The following OR51I2 variants were observed in gnomAD, a reference collection of about 807,000 sequenced individuals.
OR51I2 encodes olfactory receptor 51I2.
In OR51I2, 6 loss-of-function variants were observed where a neutral mutation model predicts 9.3. The observed-to-expected ratio is 0.64, with a 90% confidence interval of 0.35 to 1.27. The LOEUF (loss-of-function observed/expected upper bound fraction) is 1.27, where lower values mean the gene tolerates loss of function less well. Ranked by LOEUF, OR51I2 falls within the 50% of genes most tolerant of loss-of-function variation. The pLI, the probability that OR51I2 is intolerant of heterozygous loss-of-function variation, is 0.03. For synonymous variants in OR51I2, 179 were observed against 143.1 expected (o/e 1.25, Z -1.79); for missense variants, 489 against 396.4 (o/e 1.23, Z -1.98).
rs1850939196 is a variant in OR51I2 at position 5,455,543 on chromosome 11, G to C, written c.*1116G>C. The C allele has an allele frequency of 1.6e-5, 1 of 61,262 alleles. No individual in the cohort carries two copies. Among genetic ancestry groups the C allele is most frequent in the African/African-American group, 4.5e-5 (1 of 22,094 alleles). The allele number at this position is 61,262 out of a possible 1,614,324, so 3.8% of individuals were successfully genotyped here. ...ACTTGTAGATCAAAAGAGAGCGAGGGATTGGGGGAGAAAGAAGGGGGGAGA... is the reference window on the plus strand; with the variant it reads ...ACTTGTAGATCAAAAGAGAGCGAGGCATTGGGGGAGAAAGAAGGGGGGAGA... On this transcript the variant is annotated 3_prime_UTR_variant, in exon 2 of 2. Coordinates refer to ENST00000641930, the MANE Select transcript of OR51I2 (RefSeq NM_001004754.3).
Position 5,454,187 on chromosome 11 carries a change from A to T in OR51I2, c.699A>T (p.Glu233Asp). Residue 233 changes from glutamate (E) to aspartate (D), a missense_variant, in exon 2 of 2, where the codon GAA becomes GAT. Coordinates refer to ENST00000641930, the MANE Select transcript of OR51I2 (RefSeq NM_001004754.3). ...TCATGGCCACTGCTTCCCGTGAGGA[A>T]CGCCTCAAAGCTCTCAACACATGTG... is the stretch of plus-strand genomic sequence containing the variant. ...RSVMATASRE[E>D]RLKALNTCVS... 1 of 1,605,782 alleles carries T rather than the reference A, an allele frequency of 6.2e-7. No individual in the cohort carries two copies. Among genetic ancestry groups the T allele is most frequent in the Non-Finnish European group, 8.5e-7 (1 of 1,174,748 alleles).
rs373942081 is a variant in OR51I2, at chr11:5,454,727, TAATA to T, written c.*302_*305del. On this transcript the variant is annotated 3_prime_UTR_variant, in exon 2 of 2. Coordinates refer to ENST00000641930, the MANE Select transcript of OR51I2 (RefSeq NM_001004754.3). ...TCTATAATAATGAATATTACTAATATAATAATTAACAAACTTAGTCCTAAAATGT... is the reference window on the plus strand; with the variant it reads ...TCTATAATAATGAATATTACTAATATATTAACAAACTTAGTCCTAAAATGT... 1.3e-4 allele frequency: 26 copies of T among 200,246 alleles called. No individual in the cohort carries two copies. The East Asian group carries it at 1.7e-3, about 13-fold the overall frequency. The allele number at this position is 200,246 out of a possible 1,614,324, so 12.4% of individuals were successfully genotyped here.
At chr11:5,452,591 C>CGAGATATG (rs1850873476) in intron 1 of OR51I2, among the ~76,000 whole-genome samples, 1 of 141,560 alleles carries the variant, frequency 7.1e-6, no homozygotes, top group African/African-American at 2.6e-5. Context: ...AGCGACTTTA[C>CGAGATATG]GAGATATGGA....
At chr11:5,452,120 T>C (rs1850861950) in intron 1 of OR51I2, among the ~76,000 whole-genome samples, 2 of 152,162 alleles carry the variant, frequency 1.3e-5, no homozygotes, top group South Asian at 4.1e-4. Flanking sequence ...CAAATCTATG[T>C]GTCTATGAGT....
At chr11:5,449,821 ATACG>A (rs1257746554) in intron 1 of OR51I2, among the ~76,000 whole-genome samples, 1 of 152,210 alleles carries the variant, frequency 6.6e-6, no homozygotes, top group Non-Finnish European at 1.5e-5. Flanking sequence ...TGATAACAAA[ATACG>A]TAAAAATCTC....
In OR51I2 at chr11:5,455,756, A is replaced by G. The variant is rs888856726; in HGVS notation, c.*1329A>G. The G allele has an allele frequency of 6.6e-6, 1 of 152,168 alleles. No homozygotes were observed. The highest frequency in any genetic ancestry group is 1.5e-5 in the Non-Finnish European group (1 of 68,024). The allele number at this position is 152,168 out of a possible 1,614,324, so 9.4% of individuals were successfully genotyped here. A position where few individuals can be genotyped will look rare whatever the true frequency, so the allele number is the denominator to read the frequency against. Reference sequence around the variant, plus strand: ...TATTGAGGAAATACCAACAAGAGAGAGAGTCAGAAAGAGGGAGCTATTTTA... The same window carrying G: ...TATTGAGGAAATACCAACAAGAGAGGGAGTCAGAAAGAGGGAGCTATTTTA... On this transcript the variant is annotated 3_prime_UTR_variant, in exon 2 of 2. Coordinates refer to ENST00000641930, the MANE Select transcript of OR51I2 (RefSeq NM_001004754.3).
rs1850949624 is a variant in OR51I2, at chr11:5,455,791, T to C, written c.*1364T>C. ...AGAGGGAGCTATTTTAAAAATGAGA[T>C]AATGTAAGTACTTGGGATTCAGATT... On this transcript the variant is annotated 3_prime_UTR_variant, in exon 2 of 2. Transcript: ENST00000641930. 6.6e-6 allele frequency: 1 copy of C among 152,048 alleles called. No individual in the cohort carries two copies. Among genetic ancestry groups the C allele is most frequent in the Non-Finnish European group, 1.5e-5 (1 of 67,992 alleles). 9.4% of individuals were successfully genotyped at this position (152,048 alleles called of 1,614,324 possible). A position where few individuals can be genotyped will look rare whatever the true frequency, so the allele number is the denominator to read the frequency against.
rs1850893183 is a variant in OR51I2, at chr11:5,453,650, C to T, written c.162C>T (p.Ser54=). Reference sequence around the variant, plus strand: ...TGCAGGCTGTGCGAGTGGAGCCCAGCCTCCATGAGCCCATGTACTACTTCC... The same window carrying T: ...TGCAGGCTGTGCGAGTGGAGCCCAGTCTCCATGAGCCCATGTACTACTTCC... ...VILQAVRVEP[S]LHEPMYYFLS... Residue 54 remains serine, a synonymous_variant, in exon 2 of 2, where the codon AGC becomes AGT. Transcript: ENST00000641930. 2 of 1,613,214 alleles carry T rather than the reference C, an allele frequency of 1.2e-6. No individual in the cohort carries two copies. Among genetic ancestry groups the T allele is most frequent in the East Asian group, 2.2e-5 (1 of 44,884 alleles).
Position 5,454,173 on chromosome 11 carries a change from G to C in OR51I2, c.685G>C (p.Ala229Pro), listed in dbSNP as rs770771990. The C allele has an allele frequency of 6.2e-7, 1 of 1,613,156 alleles. No individual in the cohort carries two copies. Among genetic ancestry groups the C allele is most frequent in the Admixed American group, 1.7e-5 (1 of 59,852 alleles). Residue 229 changes from alanine to proline, a missense_variant, in exon 2 of 2, where the codon GCT becomes CCT. Transcript: ENST00000641930. ...VLILRSVMAT[A>P]SREERLKALN... ...CATTCTGCGTTCTGTCATGGCCACT[G>C]CTTCCCGTGAGGAACGCCTCAAAGC...
chr11:5,452,187 A>G (rs1221548462), intron 1 of OR51I2, among the ~76,000 whole-genome samples: 5 of 151,868 alleles, frequency 3.3e-5, no homozygotes, highest in Admixed American at 2.6e-4. Context: ...GTATGAGGAC[A>G]AGATCTACAT....
Position 5,453,954 on chromosome 11 carries a change from C to A in OR51I2, c.466C>A (p.Leu156Ile), listed in dbSNP as rs751641190. Residue 156 changes from leucine to isoleucine, a missense_variant, in exon 2 of 2, where the codon CTT (leucine) becomes ATT (isoleucine). Physicochemically the swap from Leu to Ile is conservative, Grantham distance 5. Coordinates refer to ENST00000641930, the MANE Select transcript of OR51I2 (RefSeq NM_001004754.3). ...LGAAARSFIT[L>I]FPLPFLIKRL... ...TGCAGCTGCTCGAAGCTTCATCACCCTTTTCCCTCTTCCCTTTCTTATTAA... is the reference window on the plus strand; with the variant it reads ...TGCAGCTGCTCGAAGCTTCATCACCATTTTCCCTCTTCCCTTTCTTATTAA... 22 of 1,613,996 alleles carry A rather than the reference C, an allele frequency of 1.4e-5. No homozygotes were observed. The highest frequency in any genetic ancestry group is 1.9e-5 in the Non-Finnish European group (22 of 1,180,022).
Position 5,451,364 on chromosome 11 carries a change from CTCT to C in OR51I2, c.-230-1891_-230-1889del, listed in dbSNP as rs1311954467. 8.5e-5 allele frequency among the ~76,000 whole-genome samples: 13 copies of C among 152,308 alleles called. No homozygotes were observed. In the East Asian group the frequency reaches 1.9e-3, roughly 23 times the overall value. On this transcript the variant is annotated intron_variant, in intron 1 of 1. Coordinates refer to ENST00000641930, the MANE Select transcript of OR51I2 (RefSeq NM_001004754.3). ...CTGTTACTTTTACATTGGCTTGGTT[CTCT>C]TCTATGTACTGTGATTACTTTCTAC...
At chr11:5,450,648 C>A (rs1850831086) in intron 1 of OR51I2, among the ~76,000 whole-genome samples, 1 of 152,096 alleles carries the variant, frequency 6.6e-6, no homozygotes, top group African/African-American at 2.4e-5. Flanking sequence ...TATGTATCTG[C>A]CTTTAACCAC....
chr11:5,454,428 C>T lies in OR51I2; in HGVS notation c.*1C>T. ...CATGTTTCACCACATCAAAATATGA[C>T]TTTCACACTTGGCTTTAGAATCTGT... is the stretch of plus-strand genomic sequence containing the variant. On this transcript the variant is annotated 3_prime_UTR_variant, in exon 2 of 2. Coordinates refer to ENST00000641930, the MANE Select transcript of OR51I2 (RefSeq NM_001004754.3). The T allele has an allele frequency of 6.3e-7, 1 of 1,598,708 alleles. No individual in the cohort carries two copies. The highest frequency in any genetic ancestry group is 8.5e-7 in the Non-Finnish European group (1 of 1,176,102).
In OR51I2 at chr11:5,453,855, T is replaced by G. The variant is rs1850900794; in HGVS notation, c.367T>G (p.Tyr123Asp). 6.2e-7 allele frequency: 1 copy of G among 1,614,232 alleles called. No homozygotes were observed. Among genetic ancestry groups the G allele is most frequent in the Non-Finnish European group, 8.5e-7 (1 of 1,180,032 alleles). ...TCTGCTGGCCATGAGTTTTGACCGC[T>G]ATGTGGCCATTTGTGACCCCTTGCG... Reference protein sequence around the residue: ...GILLAMSFDRYVAICDPLRYA... With the variant: ...GILLAMSFDRDVAICDPLRYA... Residue 123 changes from tyrosine to aspartate, a missense_variant, in exon 2 of 2, where the codon TAT becomes GAT. Physicochemically the swap from Tyr to Asp is radical, Grantham distance 160 (BLOSUM62 -3). Transcript: ENST00000641930.
rs535970413 is a variant in OR51I2 at position 5,455,780 on chromosome 11, T to G, written c.*1353T>G. 6.6e-6 allele frequency: 1 copy of G among 152,216 alleles called. No homozygotes were observed. Among genetic ancestry groups the G allele is most frequent in the Admixed American group, 6.5e-5 (1 of 15,282 alleles). 9.4% of individuals were successfully genotyped at this position (152,216 alleles called of 1,614,324 possible). ...GAGAGTCAGAAAGAGGGAGCTATTT[T>G]AAAAATGAGATAATGTAAGTACTTG... is the stretch of plus-strand genomic sequence containing the variant. On this transcript the variant is annotated 3_prime_UTR_variant, in exon 2 of 2. Transcript: ENST00000641930.
At position 5,453,907 on chromosome 11, in the gene OR51I2, T is replaced by A; in HGVS notation, c.419T>A (p.Val140Asp). 1 of 1,614,198 alleles carries A rather than the reference T, an allele frequency of 6.2e-7. No homozygotes were observed. Among genetic ancestry groups the A allele is most frequent in the Non-Finnish European group, 8.5e-7 (1 of 1,180,030 alleles). The part of the protein sequence containing the change: ...LRYATVLTTE[V>D]IAAMGLGAAA... ...TATGCAACTGTGCTCACCACTGAAG[T>A]CATTGCTGCAATGGGTTTAGGTGCA... Residue 140 changes from valine (V) to aspartate (D), a missense_variant, in exon 2 of 2, where the codon GTC becomes GAC. By Grantham distance (152) the Val-to-Asp change is radical. Coordinates refer to ENST00000641930, the MANE Select transcript of OR51I2 (RefSeq NM_001004754.3).
chr11:5,454,283 G>A lies in OR51I2; in HGVS notation c.795G>A (p.Gly265=), dbSNP rs376176921. The part of the protein sequence containing the change: ...MIGVSTVHRF[G]KHVPCYIHVL... ...GGGTCTCCACAGTGCACCGCTTTGG[G>A]AAGCATGTCCCATGCTACATACATG... The change falls in exon 2 of 2, where the codon GGG becomes GGA. Residue 265 remains glycine (G), a synonymous_variant. Coordinates refer to ENST00000641930, the MANE Select transcript of OR51I2 (RefSeq NM_001004754.3). 1.2e-6 allele frequency: 2 copies of A among 1,614,042 alleles called. No homozygotes were observed. Among genetic ancestry groups the A allele is most frequent in the East Asian group, 2.2e-5 (1 of 44,896 alleles).
chr11:5,450,723 A>T (rs908526915), intron 1 of OR51I2, among the ~76,000 whole-genome samples: 1 of 152,152 alleles, frequency 6.6e-6, no homozygotes, highest in Admixed American at 6.5e-5. Context: ...TTTCCTTTTA[A>T]ACTTACTCTC....
Sources: allele counts gnomAD v4.1 joint callset (sites outside exome capture counted in the v4.1 genomes callset), GRCh38; gene constraint gnomAD v4.1.1; transcripts MANE v1.5; gene names NCBI Gene and HGNC (gene_info 2026-07-23, HGNC 2026-07-21).